Variants in RAC2 observed in about 807,000 individuals in gnomAD.
RAC2 encodes Rac family small GTPase 2.
RAC2 carries 1 observed loss-of-function variant against 24.0 expected under a neutral mutation model. The observed-to-expected ratio is 0.04, with a 90% CI of 0.01 to 0.20. The LOEUF (loss-of-function observed/expected upper bound fraction) is 0.20. RAC2 is among the 10% of genes least tolerant of loss of function. RAC2 has a pLI of 1.00. For missense variants in RAC2, 130 were observed against 259.1 expected (o/e 0.50, Z 3.42); for synonymous variants, 114 against 106.8 (o/e 1.07, Z -0.41).
At chr22:37,240,410 G>A (rs1927352448) in intron 2 of RAC2, among the ~76,000 whole-genome samples, 1 of 152,230 alleles carries the variant, frequency 6.6e-6, no homozygotes, top group African/African-American at 2.4e-5. Context: ...TTCCCCATGG[G>A]TGTCCTGTGC....
chr22:37,235,793 G>C (rs1221842652), intron 2 of RAC2, among the ~76,000 whole-genome samples: 1 of 152,224 alleles, frequency 6.6e-6, no homozygotes, highest in African/African-American at 2.4e-5. Context: ...CTAGTGCCAA[G>C]AAGCCCCACA....
chr22:37,233,275 G>GTT (rs752382769), intron 2 of RAC2, among the ~76,000 whole-genome samples: 15 of 140,564 alleles, frequency 1.1e-4, no homozygotes, highest in East Asian at 4.2e-4. Flanking sequence ...GCTTTTTGTT[G>GTT]TTTTTTGTTT....
At chr22:37,241,795 T>C in intron 1 of RAC2, 137 bp from the exon 2 acceptor site, 1 of 763,166 alleles carries the variant, frequency 1.3e-6, no homozygotes, top group Non-Finnish European at 2.3e-6. Flanking sequence ...CCATGTGAGA[T>C]GCCCCCTGTC....
chr22:37,232,011 C>T lies in RAC2; in HGVS notation c.226-17G>A, dbSNP rs766537276. 1.3e-5 allele frequency: 20 copies of T among 1,519,708 alleles called. No homozygotes were observed. Among genetic ancestry groups the T allele is most frequent in the East Asian group, 1.2e-4 (5 of 40,206 alleles). The allele number at this position is 1,519,708 out of a possible 1,614,324, so 94.1% of individuals were successfully genotyped here. A position where few individuals can be genotyped will look rare whatever the true frequency, so the allele number is the denominator to read the frequency against. ...GAAGACGTCCTGGGGACAGAGCAAG[C>T]GAGGTTGCTAGTGAGGAGGGCCCAG... On this transcript the variant is annotated splice_polypyrimidine_tract_variant and intron_variant, in intron 3 of 6. Transcript: ENST00000249071.
intron 6 of RAC2, among the ~76,000 whole-genome samples, chr22:37,226,309 C>T (rs1926834929): frequency 6.6e-6 from 1 of 151,996 alleles, no homozygotes; most frequent in Non-Finnish European, 1.5e-5. Flanking sequence ...CCTCCACCCA[C>T]ATATGTGGGT....
intron 2 of RAC2, among the ~76,000 whole-genome samples, chr22:37,235,049 C>T (rs962971698): frequency 2.0e-5 from 3 of 152,144 alleles, no homozygotes; most frequent in African/African-American, 7.2e-5. Context: ...TTATTCTCCA[C>T]AGTCTCAGGC....
rs138855108 is a variant in RAC2 at position 37,228,170 on chromosome 22, C to T, written c.449-1367G>A. Among the ~76,000 whole-genome samples, 881 of 152,310 alleles carry T rather than the reference C, an allele frequency of 5.8e-3. 8 individuals are homozygous for T. Among genetic ancestry groups the T allele is most frequent in the African/African-American group, 0.02 (835 of 41,556 alleles). On this transcript the variant is annotated intron_variant, in intron 5 of 6. Transcript: ENST00000249071. The stretch of plus-strand genomic sequence containing the variant: ...GAAACTGAGGCTCCTGGAGAGTATG[C>T]GACTCATCCAAACTCACACGCTGGA...
chr22:37,232,182 G>A (rs1207354919), intron 3 of RAC2, among the ~76,000 whole-genome samples, 188 bp from the exon 4 acceptor site: 13 of 152,288 alleles, frequency 8.5e-5, no homozygotes, highest in African/African-American at 1.9e-4. Context: ...TTGTTAGGAC[G>A]CTCACTAAAG....
intron 1 of RAC2, among the ~76,000 whole-genome samples, chr22:37,243,484 C>T (rs1927467846): frequency 6.6e-6 from 1 of 152,166 alleles, no homozygotes; most frequent in African/African-American, 2.4e-5. Flanking sequence ...CCCCTTGCCT[C>T]TTCTGCTCCT....
chr22:37,241,684 C>T (rs754038603), intron 1 of RAC2, 26 bp from the exon 2 acceptor site: 6 of 1,603,800 alleles, frequency 3.7e-6, no homozygotes, highest in East Asian at 4.5e-5. Flanking sequence ...TGCAAGAGGG[C>T]GGCGGTCATG....
intron 2 of RAC2, among the ~76,000 whole-genome samples, chr22:37,236,303 G>GA (rs1379444787): frequency 6.6e-6 from 1 of 152,208 alleles, no homozygotes; most frequent in Non-Finnish European, 1.5e-5. Context: ...ACAGGTGCAG[G>GA]AATGTGTCAA....
At chr22:37,235,451 T>C (rs1225540161) in intron 2 of RAC2, among the ~76,000 whole-genome samples, 1 of 152,174 alleles carries the variant, frequency 6.6e-6, no homozygotes, top group African/African-American at 2.4e-5. Context: ...CCAAGAAGCC[T>C]TTCCTGACTT....
At chr22:37,240,858 C>G (rs541850760) in intron 2 of RAC2, 3 of 611,176 alleles carry the variant, frequency 4.9e-6, no homozygotes, top group Non-Finnish European at 9.0e-6. Context: ...TGAGCAAAGG[C>G]CCTGGGGTAG....
At chr22:37,238,762 G>A (rs1927309973) in intron 2 of RAC2, among the ~76,000 whole-genome samples, 1 of 152,162 alleles carries the variant, frequency 6.6e-6, no homozygotes, top group South Asian at 2.1e-4. Context: ...GGGCCCTGCC[G>A]GCTCCAATAT....
At chr22:37,229,189 C>T (rs1199440918) in intron 5 of RAC2, among the ~76,000 whole-genome samples, 1 of 152,174 alleles carries the variant, frequency 6.6e-6, no homozygotes, top group Admixed American at 6.5e-5. Context: ...TTAGTCAGTT[C>T]CCCCTCTCCG....
chr22:37,228,482 C>T (rs1178105581), intron 5 of RAC2, among the ~76,000 whole-genome samples: 1 of 152,200 alleles, frequency 6.6e-6, no homozygotes, highest in Non-Finnish European at 1.5e-5. Flanking sequence ...GCTATGCAGG[C>T]CTGGGGGCCG....
At position 37,232,846 on chromosome 22, in the gene RAC2, C is replaced by T; in HGVS notation, c.180G>A (p.Gly60=). The T allele has an allele frequency of 3.7e-6, 6 of 1,614,090 alleles. No homozygotes were observed. Among genetic ancestry groups the T allele is most frequent in the Non-Finnish European group, 5.1e-6 (6 of 1,180,006 alleles). Residue 60 remains glycine (G), a synonymous_variant, in exon 3 of 7, where the codon GGG becomes GGA. Transcript: ENST00000249071. Reference sequence around the variant, plus strand: ...GCCGGAGACGGTCGTAGTCCTCCTGCCCAGCAGTGTCCCACAGCCCCAGGT... The same window carrying T: ...GCCGGAGACGGTCGTAGTCCTCCTGTCCAGCAGTGTCCCACAGCCCCAGGT... The part of the protein sequence containing the change: ...PVNLGLWDTA[G]QEDYDRLRPL...
intron 5 of RAC2, among the ~76,000 whole-genome samples, chr22:37,227,558 CT>C (rs1456352682): frequency 5.4e-4 from 38 of 70,328 alleles, no homozygotes; most frequent in Admixed American, 8.0e-4. Context: ...CCATACACCC[CT>C]TCCCATGCCT....
intron 1 of RAC2, 66 bp from the exon 2 acceptor site, chr22:37,241,724 G>T: frequency 2.7e-6 from 4 of 1,454,654 alleles, no homozygotes; most frequent in Admixed American, 1.7e-5. Context: ...GGAGGTTTCT[G>T]CCTGGTCCTC....
Sources: gnomAD v4.1 joint callset for allele counts (sites outside exome capture counted in the v4.1 genomes callset) on GRCh38, gnomAD v4.1.1 for gene constraint, MANE v1.5 for transcripts, NCBI Gene and HGNC (gene_info 2026-07-23, HGNC 2026-07-21) for gene names.